The following NCKAP5 variants were observed in gnomAD, a reference collection of about 807,000 sequenced individuals.
NCKAP5 encodes the protein NCK associated protein 5, also known as nck-associated protein 5.
Under a neutral mutation model 167.0 loss-of-function variants are expected in NCKAP5, and 92 were observed. That is an observed-to-expected ratio of 0.55 (90% CI 0.47 to 0.66). The LOEUF (loss-of-function observed/expected upper bound fraction) is 0.66, where lower values mean the gene tolerates loss of function less well. Among genes scored for constraint, NCKAP5 ranks in the 30% least tolerant of loss-of-function variants. NCKAP5 has a pLI of 0.00. For synonymous variants in NCKAP5, 891 were observed against 877.4 expected (o/e 1.02, Z -0.27); for missense variants, 2,378 against 2,315.0 (o/e 1.03, Z -0.56).
intron 5 of NCKAP5, among the ~76,000 whole-genome samples, chr2:133,164,617 C>T (rs1179616583): frequency 3.9e-5 from 6 of 152,144 alleles, no homozygotes; most frequent in Non-Finnish European, 7.3e-5. Flanking sequence ...TTGTCTTTCA[C>T]CATTTCTACT....
At chr2:132,872,596 G>A (rs576024488) in intron 9 of NCKAP5, among the ~76,000 whole-genome samples, 2 of 152,218 alleles carry the variant, frequency 1.3e-5, no homozygotes, top group Non-Finnish European at 2.9e-5. Context: ...TCAGGTTTAC[G>A]GGCGTGGGGA....
At chr2:133,599,894 T>C in the NCKAP5 span, among the ~76,000 whole-genome samples, 1 of 152,264 alleles carries the variant, frequency 6.6e-6, no homozygotes, top group Non-Finnish European at 1.5e-5. Flanking sequence ...GAATCCAATC[T>C]GTTTATCAAT....
At chr2:132,776,951 A>T (rs1251937610) in intron 15 of NCKAP5, among the ~76,000 whole-genome samples, 1 of 152,190 alleles carries the variant, frequency 6.6e-6, no homozygotes, top group Non-Finnish European at 1.5e-5. Context: ...TGGGAGAGTG[A>T]ACACAAAACC....
At chr2:133,551,233 G>A (rs1198524987) in intron 2 of NCKAP5, among the ~76,000 whole-genome samples, 1 of 151,298 alleles carries the variant, frequency 6.6e-6, no homozygotes, top group Non-Finnish European at 1.5e-5. Flanking sequence ...CACAGAATTG[G>A]AAAAAACTAC....
At chr2:133,385,832 C>T (rs1420043293) in intron 3 of NCKAP5, among the ~76,000 whole-genome samples, 1 of 152,174 alleles carries the variant, frequency 6.6e-6, no homozygotes, top group Non-Finnish European at 1.5e-5. Flanking sequence ...AGTTTATTTG[C>T]ATAGAGGTGT....
intron 4 of NCKAP5, among the ~76,000 whole-genome samples, chr2:133,297,682 C>T (rs142651963): frequency 6.6e-6 from 1 of 152,258 alleles, no homozygotes; most frequent in East Asian, 1.9e-4. Flanking sequence ...CAAGAGTATG[C>T]CTTATTTCAA....
chr2:133,356,237 T>G (rs1325401063), intron 3 of NCKAP5, among the ~76,000 whole-genome samples: 4 of 152,182 alleles, frequency 2.6e-5, no homozygotes, highest in Non-Finnish European at 5.9e-5. Flanking sequence ...AGAAGCAGTG[T>G]TCTTATATCT....
intron 3 of NCKAP5, among the ~76,000 whole-genome samples, chr2:133,323,558 T>C (rs1297970744): frequency 1.5e-4 from 23 of 152,200 alleles, no homozygotes; most frequent in Admixed American, 1.5e-3. Context: ...CTAACAAAAG[T>C]TAATGGATTA....
At chr2:132,731,436 G>A (rs1354262466) in intron 17 of NCKAP5, among the ~76,000 whole-genome samples, 3 of 152,166 alleles carry the variant, frequency 2.0e-5, no homozygotes, top group Non-Finnish European at 4.4e-5. Flanking sequence ...TCAGAGTTAA[G>A]TTTTATAGGA....
At chr2:133,572,555 G>A (rs1688904893), upstream of NCKAP5, among the ~76,000 whole-genome samples, 1 of 152,166 alleles carries the variant, frequency 6.6e-6, no homozygotes, top group African/African-American at 2.4e-5. Context: ...TCGGCGGTGG[G>A]GGAATTCAGT....
intron 3 of NCKAP5, among the ~76,000 whole-genome samples, chr2:133,325,215 A>G (rs1369944593): frequency 6.6e-6 from 1 of 152,124 alleles, no homozygotes; most frequent in Non-Finnish European, 1.5e-5. Flanking sequence ...CACTTTCCCA[A>G]CTGTACACAG....
the NCKAP5 span, among the ~76,000 whole-genome samples, chr2:133,666,914 A>G: frequency 2.0e-5 from 3 of 152,124 alleles, no homozygotes; most frequent in African/African-American, 7.2e-5. Flanking sequence ...GAGGGAGGCA[A>G]CTGTCAATCT....
intron 11 of NCKAP5, among the ~76,000 whole-genome samples, chr2:132,830,919 C>G (rs759160261): frequency 2.0e-5 from 3 of 152,158 alleles, no homozygotes; most frequent in African/African-American, 7.2e-5. Flanking sequence ...TCTCACCCCC[C>G]TTCAGTCCTG....
intron 5 of NCKAP5, among the ~76,000 whole-genome samples, chr2:133,208,327 G>A (rs138573756): frequency 6.0e-4 from 92 of 152,194 alleles, no homozygotes; most frequent in African/African-American, 2.1e-3. Context: ...AACAGAGCGA[G>A]ACCCTATCTC....
chr2:133,297,237 C>G (rs1454325760), intron 4 of NCKAP5, among the ~76,000 whole-genome samples: 1 of 148,644 alleles, frequency 6.7e-6, no homozygotes, highest in African/African-American at 2.5e-5. Flanking sequence ...AGATACAGAG[C>G]AGATTAAACT....
At chr2:132,711,218 C>A (rs1445182281) in intron 19 of NCKAP5, among the ~76,000 whole-genome samples, 1 of 152,236 alleles carries the variant, frequency 6.6e-6, no homozygotes, top group Non-Finnish European at 1.5e-5. Context: ...CTTTCCCTTT[C>A]TCTCCAAAAG....
chr2:132,694,103 TTTTA>T (rs140401537), intron 19 of NCKAP5, among the ~76,000 whole-genome samples: 7,805 of 146,982 alleles, frequency 0.053, 606 homozygotes, highest in African/African-American at 0.17. Context: ...GTTTTAAGTG[TTTTA>T]TTTATTTATT....
intron 10 of NCKAP5, among the ~76,000 whole-genome samples, chr2:132,864,715 C>T (rs1288786686): frequency 6.6e-6 from 1 of 152,182 alleles, no homozygotes; most frequent in Non-Finnish European, 1.5e-5. Context: ...GCAGGACATA[C>T]ACTAACATGA....
chr2:133,335,452 T>C (rs1372044553), intron 3 of NCKAP5, among the ~76,000 whole-genome samples: 6 of 152,162 alleles, frequency 3.9e-5, no homozygotes, highest in Admixed American at 2.0e-4. Flanking sequence ...ATTTTGGATA[T>C]TACCATTCAT....
Sources: allele counts gnomAD v4.1 joint callset (sites outside exome capture counted in the v4.1 genomes callset), GRCh38; gene constraint gnomAD v4.1.1; transcripts MANE v1.5; gene names NCBI Gene and HGNC (gene_info 2026-07-23, HGNC 2026-07-21).